Variants in MYADML2 observed in about 807,000 individuals in gnomAD.
The protein encoded by MYADML2 is myeloid-associated differentiation marker-like protein 2.
In MYADML2, 17 loss-of-function variants were observed where a neutral mutation model predicts 16.0. The ratio of observed to expected loss-of-function variants is 1.06; its 90% CI spans 0.73 to 1.60. The LOEUF (loss-of-function observed/expected upper bound fraction) is 1.60, where lower values mean the gene tolerates loss of function less well. Ranked by LOEUF, MYADML2 falls within the 40% of genes most tolerant of loss-of-function variation. MYADML2 has a pLI of 0.00. For synonymous variants in MYADML2, 210 were observed against 208.1 expected (o/e 1.01, Z -0.08); for missense variants, 422 against 437.7 (o/e 0.96, Z 0.32).
At position 81,941,361 on chromosome 17, in the gene MYADML2, G is replaced by GAA. The variant is rs2041301933; in HGVS notation, c.379_380dup (p.Arg128SerfsTer22). On this transcript the variant is annotated frameshift_variant, in exon 3 of 3. Transcript: ENST00000409745. LOFTEE classifies it high-confidence loss of function. ...CGGCGAAGACACTGGCTGCCAGGCG[G>GAA]AAGTCCCTGGCAGCACAGCCGGCGG... 1.3e-6 allele frequency: 2 copies of GAA among 1,548,826 alleles called. No homozygotes were observed. Among genetic ancestry groups the GAA allele is most frequent in the Non-Finnish European group, 1.7e-6 (2 of 1,146,302 alleles).
At chr17:81,943,069 G>T (rs1014490639) in intron 1 of MYADML2, among the ~76,000 whole-genome samples, 2 of 151,252 alleles carry the variant, frequency 1.3e-5, no homozygotes, top group East Asian at 1.9e-4. Flanking sequence ...GGAAAAAAAT[G>T]ATATCTTTTT....
At chr17:81,945,991 C>T (rs1483872006) in intron 1 of MYADML2, among the ~76,000 whole-genome samples, 2 of 152,104 alleles carry the variant, frequency 1.3e-5, no homozygotes, top group Non-Finnish European at 2.9e-5. Flanking sequence ...GGGCGGGTGA[C>T]ACCTGCTACA....
At chr17:81,946,967 A>C (rs1446257061) in intron 1 of MYADML2, 92 bp downstream of exon 1, 1 of 140,792 alleles carries the variant, frequency 7.1e-6, no homozygotes, top group Non-Finnish European at 1.5e-5. Context: ...ACAGAGGGAG[A>C]CTCCATCTCA....
chr17:81,946,458 C>A (rs539254074), intron 1 of MYADML2, among the ~76,000 whole-genome samples: 92 of 151,428 alleles, frequency 6.1e-4, no homozygotes, highest in Non-Finnish European at 9.0e-4. Flanking sequence ...ACCATCCTGG[C>A]CAACGTGGTG....
chr17:81,941,889 C>T (rs1161267153), intron 2 of MYADML2, 46 bp from the exon 3 acceptor site: 9 of 767,410 alleles, frequency 1.2e-5, no homozygotes, highest in South Asian at 4.1e-5. Context: ...GGCAGCCTCT[C>T]TGCTGTCTAT....
chr17:81,943,908 C>T (rs9674818), intron 1 of MYADML2, among the ~76,000 whole-genome samples: 2 of 150,194 alleles, frequency 1.3e-5, no homozygotes, highest in Middle Eastern at 3.6e-3. Flanking sequence ...TCAGGAGATA[C>T]AGACCATCCT....
At chr17:81,943,695 G>T (rs532966273) in intron 1 of MYADML2, among the ~76,000 whole-genome samples, 4 of 151,970 alleles carry the variant, frequency 2.6e-5, no homozygotes, top group Admixed American at 2.6e-4. Flanking sequence ...TAGCCACCTC[G>T]CCCAGCTTTG....
chr17:81,945,456 G>A (rs544527050), intron 1 of MYADML2, among the ~76,000 whole-genome samples: 142 of 151,838 alleles, frequency 9.4e-4, no homozygotes, highest in African/African-American at 3.1e-3. Flanking sequence ...GGAGAATGGC[G>A]TGAACCCGGG....
Position 81,941,563 on chromosome 17 carries a change from A to G in MYADML2, c.179T>C (p.Phe60Ser), listed in dbSNP as rs1260307473. Residue 60 changes from phenylalanine (F) to serine (S), a missense_variant, in exon 3 of 3, where the codon TTC becomes TCC. Physicochemically the swap from Phe to Ser is radical, Grantham distance 155. Coordinates refer to ENST00000409745, the MANE Select transcript of MYADML2 (RefSeq NM_001145113.3). ...QGTFCMAAWG[F>S]CFAVSALVVA... is the part of the protein sequence containing the mutation. ...CACCAGCGCAGAGACGGCGAAGCAG[A>G]AGCCCCAGGCGGCCATGCAGAAGGT... The G allele has an allele frequency of 4.5e-6, 7 of 1,548,378 alleles. No homozygotes were observed. Among genetic ancestry groups the G allele is most frequent in the Non-Finnish European group, 5.2e-6 (6 of 1,146,790 alleles).
intron 1 of MYADML2, among the ~76,000 whole-genome samples, chr17:81,944,208 C>T (rs901943811): frequency 2.6e-4 from 40 of 152,064 alleles, no homozygotes; most frequent in African/African-American, 8.2e-4. Flanking sequence ...AAATTGAGAC[C>T]GTCCTGGCTA....
chr17:81,944,126 C>T (rs759114062), intron 1 of MYADML2, among the ~76,000 whole-genome samples: 3 of 151,208 alleles, frequency 2.0e-5, no homozygotes, highest in Admixed American at 1.3e-4. Context: ...AAAAAAGGGC[C>T]GGACGCAGTG....
In MYADML2 at chr17:81,940,915, C is replaced by T; in HGVS notation, c.827G>A (p.Ser276Asn). Reference protein sequence around the residue: ...NCARGSCPWDSQLVVAIFTYV... With the variant: ...NCARGSCPWDNQLVVAIFTYV... The stretch of plus-strand genomic sequence containing the variant: ...GGTGAAGATGGCCACCACCAGCTGG[C>T]TGTCCCAGGGACAGCTGCCCCGAGC... The change falls in exon 3 of 3, where the codon AGC becomes AAC. Residue 276 changes from serine to asparagine, a missense_variant. By Grantham distance (46) the Ser-to-Asn change is conservative (BLOSUM62 1). Coordinates refer to ENST00000409745, the MANE Select transcript of MYADML2 (RefSeq NM_001145113.3). 2 of 1,548,260 alleles carry T rather than the reference C, an allele frequency of 1.3e-6. No individual in the cohort carries two copies. The highest frequency in any genetic ancestry group is 1.7e-6 in the Non-Finnish European group (2 of 1,145,090).
intron 1 of MYADML2, among the ~76,000 whole-genome samples, chr17:81,945,744 G>A (rs577495511): frequency 2.0e-5 from 3 of 151,346 alleles, no homozygotes; most frequent in South Asian, 2.1e-4. Context: ...GTGCACATCC[G>A]TAATCCCAGC....
chr17:81,945,463 C>T (rs1249228283), intron 1 of MYADML2, among the ~76,000 whole-genome samples: 7 of 151,532 alleles, frequency 4.6e-5, no homozygotes, highest in African/African-American at 9.7e-5. Context: ...GGCGTGAACC[C>T]GGGAGGCAGA....
intron 1 of MYADML2, among the ~76,000 whole-genome samples, chr17:81,945,628 G>C (rs2041339167): frequency 6.6e-6 from 1 of 151,708 alleles, no homozygotes; most frequent in African/African-American, 2.4e-5. Context: ...CTTGAACCCA[G>C]GAGACCGAGG....
At position 81,942,020 on chromosome 17, in the gene MYADML2, T is replaced by A; in HGVS notation, c.-102-177A>T. 2.5e-6 allele frequency: 1 copy of A among 392,624 alleles called. No individual in the cohort carries two copies. The highest frequency in any genetic ancestry group is 4.5e-6 in the Non-Finnish European group (1 of 219,822). 24.3% of individuals were successfully genotyped at this position (392,624 alleles called of 1,614,324 possible). A position where few individuals can be genotyped will look rare whatever the true frequency, so the allele number is the denominator to read the frequency against. The stretch of plus-strand genomic sequence containing the variant: ...GACCCCTGGTCCCCTGTGGAGCCCC[T>A]GCCGGGACCATTAACCCATTGGCTG... On this transcript the variant is annotated intron_variant, in intron 2 of 2. Coordinates refer to ENST00000409745, the MANE Select transcript of MYADML2 (RefSeq NM_001145113.3). This position sits in a 1 kb window ranked among gnomAD's most constrained non-coding sequence, Gnocchi z 4.4.
Position 81,940,763 on chromosome 17 carries a change from G to C in MYADML2, c.*55C>G, listed in dbSNP as rs144617700. The C allele has an allele frequency of 5.5e-6, 8 of 1,453,200 alleles. No individual in the cohort carries two copies. The highest frequency in any genetic ancestry group is 6.4e-6 in the Non-Finnish European group (7 of 1,096,984). The allele number at this position is 1,453,200 out of a possible 1,614,324, so 90.0% of individuals were successfully genotyped here. On this transcript the variant is annotated 3_prime_UTR_variant, in exon 3 of 3. Transcript: ENST00000409745. Reference sequence around the variant, plus strand: ...ACTTTGGTTCACCTGAGTTTCCCTCGCAGAGCCTGGAGCTGGTGGCCAGAG... The same window carrying C: ...ACTTTGGTTCACCTGAGTTTCCCTCCCAGAGCCTGGAGCTGGTGGCCAGAG...
intron 1 of MYADML2, among the ~76,000 whole-genome samples, chr17:81,946,280 G>A (rs1412061249): frequency 2.0e-5 from 3 of 151,988 alleles, no homozygotes; most frequent in Admixed American, 6.5e-5. Flanking sequence ...GCTTGAACCC[G>A]GAAGGCAGAG....
At chr17:81,945,525 C>G (rs1247133173) in intron 1 of MYADML2, among the ~76,000 whole-genome samples, 3 of 148,924 alleles carry the variant, frequency 2.0e-5, no homozygotes, top group Admixed American at 6.7e-5. Flanking sequence ...GGCAACAGAG[C>G]AAGACTCTGT....
Sources: gnomAD v4.1 joint callset for allele counts (sites outside exome capture counted in the v4.1 genomes callset) on GRCh38, gnomAD v4.1.1 for gene constraint, Gnocchi (gnomAD v3.1) non-coding constraint, MANE v1.5 for transcripts, NCBI Gene and HGNC (gene_info 2026-07-23, HGNC 2026-07-21) for gene names.